FUT9: variants seen among roughly 807,000 people sequenced by gnomAD.
The protein encoded by FUT9 is fucosyltransferase 9.
FUT9 carries 15 observed loss-of-function variants against 29.7 expected under a neutral mutation model. The observed-to-expected ratio is 0.51, with a 90% CI of 0.34 to 0.78. The LOEUF (loss-of-function observed/expected upper bound fraction) is 0.78. Ranked by LOEUF, FUT9 falls within the 30% of genes least tolerant of loss-of-function variation. The probability of loss-of-function intolerance (pLI) is 0.01; values close to 1 mark genes in which losing one functional copy is unlikely to be tolerated. For synonymous variants in FUT9, 169 were observed against 153.7 expected (o/e 1.10, Z -0.74); for missense variants, 319 against 425.4 (o/e 0.75, Z 2.20).
At chr6:96,186,497 C>A (rs1451897773) in intron 2 of FUT9, among the ~76,000 whole-genome samples, 1 of 152,078 alleles carries the variant, frequency 6.6e-6, no homozygotes, top group African/African-American at 2.4e-5. Flanking sequence ...TGTTTTGTAA[C>A]TGTGTATTAG....
intron 2 of FUT9, among the ~76,000 whole-genome samples, chr6:96,155,256 G>T (rs1186333262): frequency 2.0e-5 from 3 of 152,138 alleles, no homozygotes; most frequent in Non-Finnish European, 4.4e-5. Context: ...AGTGTCAAAA[G>T]ATTTATTGTA....
intron 1 of FUT9, among the ~76,000 whole-genome samples, chr6:96,099,080 T>C (rs1771545788): frequency 6.6e-6 from 1 of 152,170 alleles, no homozygotes; most frequent in African/African-American, 2.4e-5. Flanking sequence ...TAATAGTTAA[T>C]AAATATTTGT....
At chr6:96,055,901 A>C (rs1051431773) in intron 1 of FUT9, among the ~76,000 whole-genome samples, 1 of 151,854 alleles carries the variant, frequency 6.6e-6, no homozygotes, top group African/African-American at 2.4e-5. Context: ...TTTAGTGTAC[A>C]GTTATTCTAT....
chr6:96,156,444 G>A (rs1772786443), intron 2 of FUT9, among the ~76,000 whole-genome samples: 1 of 152,074 alleles, frequency 6.6e-6, no homozygotes, highest in African/African-American at 2.4e-5. Flanking sequence ...GAAAAGGAAA[G>A]CTCTCAGCAA....
chr6:96,043,050 A>C (rs1308457322), intron 1 of FUT9, among the ~76,000 whole-genome samples: 1 of 152,108 alleles, frequency 6.6e-6, no homozygotes, highest in Non-Finnish European at 1.5e-5. Flanking sequence ...TGATCAATTC[A>C]CAAGATTGTC....
intron 1 of FUT9, among the ~76,000 whole-genome samples, chr6:96,019,944 T>A (rs1417575506): frequency 6.6e-6 from 1 of 152,136 alleles, no homozygotes; most frequent in Non-Finnish European, 1.5e-5. Flanking sequence ...ATTTTCCACT[T>A]CTTTTATTTT....
At chr6:96,036,987 C>A (rs1455949211) in intron 1 of FUT9, 1 of 151,978 alleles carries the variant, frequency 6.6e-6, no homozygotes, top group Non-Finnish European at 1.5e-5. Flanking sequence ...CACACTTTGA[C>A]AAGCAAGGGT....
intron 1 of FUT9, among the ~76,000 whole-genome samples, chr6:96,043,809 A>G (rs933991717): frequency 1.3e-5 from 2 of 152,182 alleles, no homozygotes; most frequent in Admixed American, 1.3e-4. Flanking sequence ...TTATATTCAT[A>G]TAAGTCATAG....
chr6:96,104,671 C>T (rs1203317396), intron 1 of FUT9, among the ~76,000 whole-genome samples: 5 of 152,154 alleles, frequency 3.3e-5, no homozygotes, highest in Non-Finnish European at 5.9e-5. Context: ...GCTGGGATTA[C>T]AGGCGCCTGC....
At chr6:96,036,095 T>C (rs934497760) in intron 1 of FUT9, among the ~76,000 whole-genome samples, 2 of 143,640 alleles carry the variant, frequency 1.4e-5, no homozygotes, top group Non-Finnish European at 3.0e-5. Flanking sequence ...AAATATAATA[T>C]AATATTTAAT....
At chr6:96,058,438 A>C (rs1173736253) in intron 1 of FUT9, among the ~76,000 whole-genome samples, 4 of 149,758 alleles carry the variant, frequency 2.7e-5, no homozygotes, top group African/African-American at 9.9e-5. Context: ...TAAGAGTAAA[A>C]GTGCAAAGAC....
At chr6:96,108,779 C>A (rs1388723529) in intron 1 of FUT9, among the ~76,000 whole-genome samples, 1 of 152,140 alleles carries the variant, frequency 6.6e-6, no homozygotes, top group Non-Finnish European at 1.5e-5. Flanking sequence ...TTCCACCTTG[C>A]AAAATAGAAT....
At chr6:96,024,295 C>T (rs894379776) in intron 1 of FUT9, among the ~76,000 whole-genome samples, 1 of 151,786 alleles carries the variant, frequency 6.6e-6, no homozygotes, top group Non-Finnish European at 1.5e-5. Flanking sequence ...AATAGAGATA[C>T]CCTGACTTCT....
In FUT9 at chr6:96,138,533, A is replaced by C. The variant is rs148084428; in HGVS notation, c.-9+24406A>C. Among the ~76,000 whole-genome samples, 501 of 152,172 alleles carry C rather than the reference A, an allele frequency of 3.3e-3. 1 individual carries two copies. The highest frequency in any genetic ancestry group is 0.011 in the African/African-American group (447 of 41,542). ...ATTTTGCAGGGAAAGTGAAATTAAA[A>C]ATGGCACTTCTTCATGCAAAAAAGA... On this transcript the variant is annotated intron_variant, in intron 2 of 2. Coordinates refer to ENST00000302103, the MANE Select transcript of FUT9 (RefSeq NM_006581.4).
chr6:96,016,237 G>A (rs1033156680), intron 1 of FUT9, 25 bp downstream of exon 1: 12 of 152,396 alleles, frequency 7.9e-5, no homozygotes, highest in Non-Finnish European at 1.3e-4. Context: ...GAGTGCAGGG[G>A]GTCGGGCGTC....
chr6:96,111,804 G>A (rs1392205519), intron 1 of FUT9, among the ~76,000 whole-genome samples: 1 of 152,088 alleles, frequency 6.6e-6, no homozygotes, highest in African/African-American at 2.4e-5. Context: ...ATATATATAT[G>A]TATATATGAC....
At chr6:96,122,876 C>T (rs1158970027) in intron 2 of FUT9, among the ~76,000 whole-genome samples, 2 of 151,686 alleles carry the variant, frequency 1.3e-5, no homozygotes, top group Non-Finnish European at 2.9e-5. Flanking sequence ...GAAACCCCGT[C>T]TCTACTAAAA....
chr6:96,112,379 C>T (rs191879567), intron 1 of FUT9, among the ~76,000 whole-genome samples: 3 of 152,238 alleles, frequency 2.0e-5, no homozygotes, highest in African/African-American at 7.2e-5. Context: ...AGAAAAAGAA[C>T]AATTAGGTGA....
chr6:96,145,594 T>A (rs993712772), intron 2 of FUT9, among the ~76,000 whole-genome samples: 4 of 152,150 alleles, frequency 2.6e-5, no homozygotes, highest in Non-Finnish European at 5.9e-5. Context: ...GGTAAGATTA[T>A]TTTTGAGAGA....
Sources: gnomAD v4.1 joint callset for allele counts (sites outside exome capture counted in the v4.1 genomes callset) on GRCh38, gnomAD v4.1.1 for gene constraint, MANE v1.5 for transcripts, NCBI Gene and HGNC (gene_info 2026-07-23, HGNC 2026-07-21) for gene names.